SLC25A21: variants seen among roughly 807,000 people sequenced by gnomAD.
SLC25A21 encodes mitochondrial 2-oxodicarboxylate carrier.
In SLC25A21, 47 loss-of-function variants were observed where a neutral mutation model predicts 43.8. The observed-to-expected ratio is 1.07, with a 90% CI of 0.85 to 1.37. The LOEUF is 1.37. SLC25A21 is among the 40% of genes most tolerant of loss of function. The probability of loss-of-function intolerance (pLI) is 0.00; values close to 1 mark genes in which losing one functional copy is unlikely to be tolerated. For missense variants in SLC25A21, 352 were observed against 350.2 expected (o/e 1.00, Z -0.04); for synonymous variants, 131 against 121.3 (o/e 1.08, Z -0.52).
chr14:36,931,794 G>A (rs1268621837), intron 1 of SLC25A21, among the ~76,000 whole-genome samples: 1 of 152,040 alleles, frequency 6.6e-6, no homozygotes, highest in African/African-American at 2.4e-5. Flanking sequence ...AGGATATAAG[G>A]GACAGCCAAC....
chr14:36,973,295 T>G (rs1002673434), intron 1 of SLC25A21, among the ~76,000 whole-genome samples: 2 of 151,972 alleles, frequency 1.3e-5, no homozygotes, highest in African/African-American at 4.8e-5. Context: ...GGGAGACAAG[T>G]GATGTCAGGA....
chr14:37,007,331 G>A (rs570870132), intron 1 of SLC25A21, among the ~76,000 whole-genome samples: 8 of 152,152 alleles, frequency 5.3e-5, no homozygotes, highest in South Asian at 4.2e-4. Context: ...GGCCAGGTGC[G>A]GTGGCTCACG....
At chr14:37,004,782 T>C (rs769680300) in intron 1 of SLC25A21, among the ~76,000 whole-genome samples, 4 of 142,638 alleles carry the variant, frequency 2.8e-5, no homozygotes, top group African/African-American at 5.2e-5. Context: ...GAGAAACTGG[T>C]AGGGGGCAGA....
chr14:36,683,841 C>T lies in SLC25A21; in HGVS notation c.825G>A (p.Met275Ile), dbSNP rs752454939. The change falls in exon 9 of 10, where the codon ATG becomes ATA. Residue 275 changes from methionine to isoleucine, a missense_variant. Physicochemically the swap from Met to Ile is conservative, Grantham distance 10. Transcript: ENST00000331299. Reference sequence around the variant, plus strand: ...AATTATCATTACCTGGTCCAAGTCTCATAATCTTGGGAAGCAGGCCTTTGT... The same window carrying T: ...AATTATCATTACCTGGTCCAAGTCTTATAATCTTGGGAAGCAGGCCTTTGT... The part of the protein sequence containing the change: ...ALYKGLLPKI[M>I]RLGPGGAVML... 2 of 1,604,358 alleles carry T rather than the reference C, an allele frequency of 1.2e-6. No homozygotes were observed. Among genetic ancestry groups the T allele is most frequent in the Non-Finnish European group, 1.7e-6 (2 of 1,173,990 alleles).
At chr14:37,145,474 C>CAGAGAGAGAG (rs371272773) in intron 1 of SLC25A21, among the ~76,000 whole-genome samples, 22 of 119,482 alleles carry the variant, frequency 1.8e-4, no homozygotes, top group African/African-American at 7.4e-4. Context: ...CACACACACA[C>CAGAGAGAGAG]ACAGAGAGAT....
chr14:37,019,838 G>GAGCC (rs1960945661), intron 1 of SLC25A21, among the ~76,000 whole-genome samples: 1 of 151,612 alleles, frequency 6.6e-6, no homozygotes, highest in African/African-American at 2.4e-5. Context: ...GAACACTGGG[G>GAGCC]AGCCACAGCA....
chr14:36,742,563 A>G (rs1284340031), intron 3 of SLC25A21, among the ~76,000 whole-genome samples: 2 of 152,168 alleles, frequency 1.3e-5, no homozygotes, highest in East Asian at 1.9e-4. Context: ...AATTGCATGC[A>G]TCTTGGGGCC....
intron 1 of SLC25A21, among the ~76,000 whole-genome samples, chr14:36,923,716 A>T (rs1892044287): frequency 6.6e-6 from 1 of 152,170 alleles, no homozygotes; most frequent in Admixed American, 6.6e-5. Context: ...GCATCCTCAG[A>T]TTCAACCAAC....
At chr14:36,782,560 A>C (rs1594583423) in intron 3 of SLC25A21, among the ~76,000 whole-genome samples, 1 of 152,128 alleles carries the variant, frequency 6.6e-6, no homozygotes, top group Non-Finnish European at 1.5e-5. Context: ...TTAATAACTG[A>C]ATTTAGGAAA....
At chr14:36,961,586 T>C (rs910531926) in intron 1 of SLC25A21, among the ~76,000 whole-genome samples, 2 of 152,188 alleles carry the variant, frequency 1.3e-5, no homozygotes, top group Admixed American at 6.5e-5. Context: ...GCTCCCTTAC[T>C]GTCCTTAGCC....
intron 1 of SLC25A21, among the ~76,000 whole-genome samples, chr14:37,066,365 A>T (rs573417857): frequency 1.3e-5 from 2 of 152,182 alleles, no homozygotes; most frequent in South Asian, 4.1e-4. Flanking sequence ...CTTCAAAGAC[A>T]TGACAACTAA....
chr14:37,103,952 C>T (rs1296820085), intron 1 of SLC25A21, among the ~76,000 whole-genome samples: 1 of 152,114 alleles, frequency 6.6e-6, no homozygotes, highest in Non-Finnish European at 1.5e-5. Context: ...TGATCCTGAC[C>T]CAAATCTGTA....
intron 3 of SLC25A21, among the ~76,000 whole-genome samples, chr14:36,780,559 T>C (rs534655976): frequency 6.6e-6 from 1 of 152,094 alleles, no homozygotes; most frequent in Non-Finnish European, 1.5e-5. Context: ...AAGATATTTT[T>C]TGATTTCCCT....
intron 1 of SLC25A21, among the ~76,000 whole-genome samples, chr14:37,128,538 C>CTATG: frequency 8.1e-6 from 1 of 122,706 alleles, no homozygotes; most frequent in East Asian, 2.6e-4. Context: ...CTCTCTCTCT[C>CTATG]TGTGTGTGTG....
At chr14:36,942,799 T>C (rs1271016385) in intron 1 of SLC25A21, among the ~76,000 whole-genome samples, 4 of 152,236 alleles carry the variant, frequency 2.6e-5, no homozygotes, top group Non-Finnish European at 4.4e-5. Flanking sequence ...AGTCTGTATT[T>C]GGGACATAAG....
chr14:37,087,966 A>T (rs1243326374), intron 1 of SLC25A21, among the ~76,000 whole-genome samples: 1 of 152,240 alleles, frequency 6.6e-6, no homozygotes, highest in Non-Finnish European at 1.5e-5. Context: ...GGAAAAGGAC[A>T]TCTAATCTTT....
At chr14:36,890,508 G>A (rs528744761) in intron 1 of SLC25A21, among the ~76,000 whole-genome samples, 1 of 152,188 alleles carries the variant, frequency 6.6e-6, no homozygotes, top group South Asian at 2.1e-4. Context: ...ATACTGGAGG[G>A]AGAGAGGCAG....
At chr14:36,803,919 C>T (rs907327639) in intron 3 of SLC25A21, among the ~76,000 whole-genome samples, 2 of 152,180 alleles carry the variant, frequency 1.3e-5, no homozygotes, top group Admixed American at 1.3e-4. Flanking sequence ...GAGTTAAGTT[C>T]ACTCAGTGAG....
intron 1 of SLC25A21, among the ~76,000 whole-genome samples, chr14:37,060,127 G>A (rs1251270005): frequency 6.6e-6 from 1 of 151,658 alleles, no homozygotes; most frequent in South Asian, 2.1e-4. Flanking sequence ...TTAGGAGGTA[G>A]GGCCTTGGGC....
Sources: gnomAD v4.1 joint callset for allele counts (sites outside exome capture counted in the v4.1 genomes callset) on GRCh38, gnomAD v4.1.1 for gene constraint, MANE v1.5 for transcripts, NCBI Gene and HGNC (gene_info 2026-07-23, HGNC 2026-07-21) for gene names.